Variants in CKMT2 observed in about 807,000 individuals in gnomAD.
CKMT2 encodes creatine kinase S-type, mitochondrial.
Under a neutral mutation model 48.9 loss-of-function variants are expected in CKMT2, and 43 were observed. That is an observed-to-expected ratio of 0.88 (90% CI 0.69 to 1.13). The LOEUF is 1.13. Ranked by LOEUF, CKMT2 falls within the 50% of genes most tolerant of loss-of-function variation. CKMT2 has a pLI of 0.00. For missense variants in CKMT2, 472 were observed against 555.4 expected, an observed-to-expected ratio of 0.85 and a Z score of 1.51; for synonymous variants, 206 against 213.0, an observed-to-expected ratio of 0.97 and a Z score of 0.29.
At chr5:81,257,598 C>A in intron 6 of CKMT2, 135 bp from the exon 7 acceptor site, 1 of 633,818 alleles carries the variant, frequency 1.6e-6, no homozygotes, top group Non-Finnish European at 2.6e-6. Flanking sequence ...CTTGTTCAGG[C>A]ACAGTTAAGA....
rs373486852 is a variant in CKMT2, at chr5:81,236,325, G to A, written c.-21+2948G>A. On this transcript the variant is annotated intron_variant, in intron 1 of 9. Coordinates refer to ENST00000254035, the MANE Select transcript of CKMT2 (RefSeq NM_001099735.2). ...TCCAATTGCTGGTCAGTGAAGGGCT[G>A]TATGTGAGGTGCTGCGGTCTGCAAG... 4.6e-5 allele frequency among the ~76,000 whole-genome samples: 7 copies of A among 152,256 alleles called. No homozygotes were observed. The South Asian group carries it at 1.5e-3, about 32-fold the overall frequency.
chr5:81,265,442 G>C lies in CKMT2; in HGVS notation c.1141-697G>C, dbSNP rs368156637. Among the ~76,000 whole-genome samples the C allele has an allele frequency of 5.3e-5, 8 of 152,152 alleles. No homozygotes were observed. The East Asian group carries it at 1.4e-3, about 26-fold the overall frequency. ...TCTTTAGTTGTATAATGTATGTCTG[G>C]AATTAACTAATTTCTCTCTTAATTT... On this transcript the variant is annotated intron_variant, in intron 9 of 9. Coordinates refer to ENST00000254035, the MANE Select transcript of CKMT2 (RefSeq NM_001099735.2).
At chr5:81,249,155 T>A (rs539981958) in intron 1 of CKMT2, among the ~76,000 whole-genome samples, 4 of 151,974 alleles carry the variant, frequency 2.6e-5, no homozygotes, top group Non-Finnish European at 2.9e-5. Context: ...TTTAAGTGAT[T>A]CTCATGCCTT....
At position 81,252,807 on chromosome 5, in the gene CKMT2, C is replaced by T; in HGVS notation, c.265C>T (p.Gln89Ter). ...GACACCCAACGGCTACACGCTGGACCAGTGCATCCAGACTGGAGTGGACAA... is the reference window on the plus strand; with the variant it reads ...GACACCCAACGGCTACACGCTGGACTAGTGCATCCAGACTGGAGTGGACAA... ...KVTPNGYTLD[Q>*]CIQTGVDNPG... is the part of the protein sequence containing the mutation. The change falls in exon 3 of 10, where the codon CAG (glutamine) becomes TAG (stop). Residue 89 changes from glutamine to a stop codon, truncating the protein, a stop_gained. Transcript: ENST00000254035. LOFTEE classifies it high-confidence loss of function. 6.2e-7 allele frequency: 1 copy of T among 1,614,238 alleles called. No homozygotes were observed. The highest frequency in any genetic ancestry group is 8.5e-7 in the Non-Finnish European group (1 of 1,180,046).
At chr5:81,254,654 G>A (rs1756935301) in intron 4 of CKMT2, 163 bp downstream of exon 4, 2 of 628,432 alleles carry the variant, frequency 3.2e-6, no homozygotes, top group Middle Eastern at 4.0e-4. Context: ...GAGAAGGTTA[G>A]GAGGGTCCGA....
At chr5:81,238,868 T>C (rs1176297598) in intron 1 of CKMT2, 1 of 152,318 alleles carries the variant, frequency 6.6e-6, no homozygotes, top group East Asian at 1.9e-4. Context: ...CTTTGGATTA[T>C]AGTGGTAGGT....
At chr5:81,247,311 G>A (rs1437714912) in intron 1 of CKMT2, among the ~76,000 whole-genome samples, 2 of 152,204 alleles carry the variant, frequency 1.3e-5, no homozygotes, top group African/African-American at 4.8e-5. Context: ...ATAAAACCAT[G>A]TTTGGAAACT....
chr5:81,259,305 G>A (rs1164723616), intron 8 of CKMT2, 51 bp downstream of exon 8: 8 of 1,544,882 alleles, frequency 5.2e-6, no homozygotes, highest in African/African-American at 1.4e-5. Flanking sequence ...GCTCAGATGC[G>A]ACTGCTTTGT....
At chr5:81,255,733 G>A (rs1756985056) in intron 5 of CKMT2, among the ~76,000 whole-genome samples, 1 of 151,696 alleles carries the variant, frequency 6.6e-6, no homozygotes. Flanking sequence ...CCGGCACCAG[G>A]GTGCACAAAA....
intron 9 of CKMT2, among the ~76,000 whole-genome samples, chr5:81,265,099 A>C (rs951180009): frequency 6.6e-6 from 1 of 152,168 alleles, no homozygotes; most frequent in Non-Finnish European, 1.5e-5. Context: ...GTTAGGATAT[A>C]CTTCTAGAAA....
rs145546905 is a variant in CKMT2 at position 81,261,872 on chromosome 5, G to A, written c.1015-1619G>A. Among the ~76,000 whole-genome samples, 1,056 of 152,160 alleles carry A rather than the reference G, an allele frequency of 6.9e-3. 10 individuals carry two copies. Among genetic ancestry groups the A allele is most frequent in the African/African-American group, 0.024 (1,008 of 41,532 alleles). On this transcript the variant is annotated intron_variant, in intron 8 of 9. Transcript: ENST00000254035. ...ATTTCATATGGAACCAAAAAGGAGC[G>A]CATATAGCCAAGTCAATCCTAAGCA... is the stretch of plus-strand genomic sequence containing the variant.
intron 8 of CKMT2, among the ~76,000 whole-genome samples, chr5:81,260,331 A>C (rs888570682): frequency 1.3e-5 from 2 of 152,152 alleles, no homozygotes; most frequent in African/African-American, 4.8e-5. Flanking sequence ...AAAGCAAACA[A>C]ATTCAAAAGC....
chr5:81,244,321 G>A, intron 1 of CKMT2: 1 of 345,302 alleles, frequency 2.9e-6, no homozygotes. Context: ...TTCTTGGGAT[G>A]AGTAACCACT....
rs189294945 is a variant in CKMT2, at chr5:81,260,283, G to A, written c.1014+1029G>A. Among the ~76,000 whole-genome samples the A allele has an allele frequency of 1.1e-3, 170 of 152,166 alleles. 3 individuals carry two copies. Among genetic ancestry groups the A allele is most frequent in the Middle Eastern group, 0.01 (3 of 294 alleles). On this transcript the variant is annotated intron_variant, in intron 8 of 9. Transcript: ENST00000254035. ...GAGAAAGCAGGAAAGATCTAAAATC[G>A]ACACCCTAACATCACAATTAAAAGA...
intron 9 of CKMT2, 151 bp from the exon 10 acceptor site, chr5:81,265,988 A>G (rs1757372361): frequency 6.3e-6 from 4 of 630,770 alleles, no homozygotes; most frequent in Non-Finnish European, 5.5e-6. Context: ...AGAAACCCTT[A>G]TATCTCTGCC....
At chr5:81,235,065 G>C (rs760815304) in intron 1 of CKMT2, among the ~76,000 whole-genome samples, 31 of 152,160 alleles carry the variant, frequency 2.0e-4, no homozygotes, top group Non-Finnish European at 3.8e-4. Context: ...GCACTTCAAA[G>C]GACTAGATGG....
At position 81,259,244 on chromosome 5, in the gene CKMT2, A is replaced by T; in HGVS notation, c.1004A>T (p.Lys335Met). Residue 335 changes from lysine (K) to methionine (M), a missense_variant, in exon 8 of 10, where the codon AAG becomes ATG. Coordinates refer to ENST00000254035, the MANE Select transcript of CKMT2 (RefSeq NM_001099735.2). Reference protein sequence around the residue: ...LRAGVHVRIPKLSKDPRFSKI... With the variant: ...LRAGVHVRIPMLSKDPRFSKI... ...GCTGGTGTCCACGTTAGGATCCCAA[A>T]GCTCAGCAAGGTACTGTTATGTGCC... is the stretch of plus-strand genomic sequence containing the variant. 1 of 1,613,938 alleles carries T rather than the reference A, an allele frequency of 6.2e-7. No homozygotes were observed. The highest frequency in any genetic ancestry group is 8.5e-7 in the Non-Finnish European group (1 of 1,179,884).
At chr5:81,261,253 C>T (rs1412399615) in intron 8 of CKMT2, among the ~76,000 whole-genome samples, 3 of 151,406 alleles carry the variant, frequency 2.0e-5, no homozygotes, top group Non-Finnish European at 4.4e-5. Flanking sequence ...AACCCACAGC[C>T]AACAGGCAAA....
chr5:81,257,143 T>TAA (rs1757040415), intron 6 of CKMT2, 143 bp downstream of exon 6: 8 of 55,162 alleles, frequency 1.5e-4, no homozygotes, highest in Admixed American at 1.4e-3. Context: ...ACTTGGAAAG[T>TAA]GTGTGTGTGT....
Sources: gnomAD v4.1 joint callset for allele counts (sites outside exome capture counted in the v4.1 genomes callset) on GRCh38, gnomAD v4.1.1 for gene constraint, MANE v1.5 for transcripts, NCBI Gene and HGNC (gene_info 2026-07-23, HGNC 2026-07-21) for gene names.